Variants in SEMA5A observed in about 807,000 individuals in gnomAD.
The protein encoded by SEMA5A is semaphorin-5A.
Under a neutral mutation model 135.5 loss-of-function variants are expected in SEMA5A, and 55 were observed. The ratio of observed to expected loss-of-function variants is 0.41; its 90% CI spans 0.33 to 0.51. The LOEUF is 0.51. Among genes scored for constraint, SEMA5A ranks in the 20% least tolerant of loss-of-function variants. The pLI is 0.37. For synonymous variants in SEMA5A, 580 were observed against 546.5 expected (o/e 1.06, Z -0.85); for missense variants, 1,290 against 1,419.9 (o/e 0.91, Z 1.47).
intron 8 of SEMA5A, among the ~76,000 whole-genome samples, chr5:9,214,325 T>A (rs1006168484): frequency 3.9e-5 from 6 of 152,104 alleles, no homozygotes; most frequent in Admixed American, 6.5e-5. Flanking sequence ...CTGCTGGCCC[T>A]CTCCAATCCA....
rs1554017976 is a variant in SEMA5A, at chr5:9,035,959, C to CCA, written c.*6937_*6938insTG. On this transcript the variant is annotated 3_prime_UTR_variant, in exon 23 of 23. Coordinates refer to ENST00000382496, the MANE Select transcript of SEMA5A (RefSeq NM_003966.3). ...TGAAATTGGCTTTGGAGGAGTTTCA[C>CCA]AAAAAAAAAAAAAAAAAAAAATCTC... 2.6e-5 allele frequency: 3 copies of CCA among 113,386 alleles called. No individual in the cohort carries two copies. Among genetic ancestry groups the CCA allele is most frequent in the South Asian group, 3.0e-4 (1 of 3,354 alleles). The allele number at this position is 113,386 out of a possible 1,614,324, so 7.0% of individuals were successfully genotyped here.
At chr5:9,326,898 T>A (rs1752905306) in intron 4 of SEMA5A, among the ~76,000 whole-genome samples, 1 of 152,234 alleles carries the variant, frequency 6.6e-6, no homozygotes, top group African/African-American at 2.4e-5. Flanking sequence ...AATTTAAATA[T>A]AATGATTTAA....
chr5:9,124,552 G>A lies in SEMA5A; in HGVS notation c.1600-1715C>T, dbSNP rs532300237. ...GCTCACTGCAACCTCCACCTCCCAG[G>A]TTCAAACGATTCTCATGCCTCAGCC... On this transcript the variant is annotated intron_variant, in intron 13 of 22. Coordinates refer to ENST00000382496, the MANE Select transcript of SEMA5A (RefSeq NM_003966.3). Among the ~76,000 whole-genome samples, 8 of 152,190 alleles carry A rather than the reference G, an allele frequency of 5.3e-5. No homozygotes were observed. The South Asian group carries it at 1.0e-3, about 20-fold the overall frequency.
intron 6 of SEMA5A, 149 bp downstream of exon 6, chr5:9,237,679 T>C (rs1462987811): frequency 1.6e-5 from 8 of 505,484 alleles, no homozygotes; most frequent in Non-Finnish European, 2.7e-5. Flanking sequence ...ATTAAAAACT[T>C]GAGAATATAC....
At chr5:9,077,526 CACTATTCTATGCAGTA>C (rs1738133882) in intron 16 of SEMA5A, among the ~76,000 whole-genome samples, 1 of 152,200 alleles carries the variant, frequency 6.6e-6, no homozygotes, top group Non-Finnish European at 1.5e-5. Flanking sequence ...TCCACAATCC[CACTATTCTATGCAGTA>C]ACTGAATTTC....
chr5:9,264,247 A>C (rs1167616233), intron 5 of SEMA5A, among the ~76,000 whole-genome samples: 6 of 152,176 alleles, frequency 3.9e-5, no homozygotes, highest in Non-Finnish European at 1.5e-5. Context: ...AGCCAAGAAG[A>C]ACCAAATTTT....
intron 3 of SEMA5A, among the ~76,000 whole-genome samples, chr5:9,344,589 A>C (rs540828709): frequency 1.3e-5 from 2 of 152,304 alleles, no homozygotes; most frequent in South Asian, 4.1e-4. Context: ...AAACAGAAAG[A>C]AACCAGGGCA....
chr5:9,295,563 G>T (rs1579297106), intron 5 of SEMA5A, among the ~76,000 whole-genome samples: 1 of 152,132 alleles, frequency 6.6e-6, no homozygotes, highest in African/African-American at 2.4e-5. Flanking sequence ...GGAGGAGGAG[G>T]ATTTTCTACT....
intron 4 of SEMA5A, among the ~76,000 whole-genome samples, chr5:9,336,748 G>T (rs973884974): frequency 6.6e-6 from 1 of 152,160 alleles, no homozygotes; most frequent in African/African-American, 2.4e-5. Context: ...ACTGTTCAAT[G>T]TTTATCTAGA....
chr5:9,459,319 T>C (rs1344497444), intron 1 of SEMA5A, among the ~76,000 whole-genome samples: 1 of 152,132 alleles, frequency 6.6e-6, no homozygotes, highest in Non-Finnish European at 1.5e-5. Flanking sequence ...AAAGATAATA[T>C]ATATGCATGA....
chr5:9,140,322 T>C (rs1475700458), intron 12 of SEMA5A, among the ~76,000 whole-genome samples: 1 of 152,242 alleles, frequency 6.6e-6, no homozygotes, highest in Non-Finnish European at 1.5e-5. Flanking sequence ...CACTTTTTTG[T>C]GCAGGGAATA....
At chr5:9,196,346 C>G (rs1745383830) in intron 10 of SEMA5A, among the ~76,000 whole-genome samples, 1 of 152,170 alleles carries the variant, frequency 6.6e-6, no homozygotes, top group African/African-American at 2.4e-5. Context: ...AGAGATACCC[C>G]AAAGGTGTCT....
chr5:9,299,852 C>T (rs1751524236), intron 5 of SEMA5A, among the ~76,000 whole-genome samples: 1 of 152,190 alleles, frequency 6.6e-6, no homozygotes, highest in South Asian at 2.1e-4. Context: ...TGGGGCCAGG[C>T]CTCAGATATC....
At chr5:9,458,195 C>T (rs1157826651) in intron 1 of SEMA5A, among the ~76,000 whole-genome samples, 1 of 151,464 alleles carries the variant, frequency 6.6e-6, no homozygotes, top group African/African-American at 2.4e-5. Context: ...GCGTGAGCCA[C>T]CGCGCCTGGC....
At chr5:9,152,108 G>A (rs1252173070) in intron 12 of SEMA5A, among the ~76,000 whole-genome samples, 6 of 152,282 alleles carry the variant, frequency 3.9e-5, no homozygotes, top group Non-Finnish European at 7.4e-5. Context: ...CAGACTCAAG[G>A]AAGGAGAGCA....
intron 11 of SEMA5A, among the ~76,000 whole-genome samples, chr5:9,162,284 G>A (rs1043330218): frequency 6.6e-6 from 1 of 151,792 alleles, no homozygotes; most frequent in Non-Finnish European, 1.5e-5. Context: ...ACATATTAAA[G>A]CAAGTGCAAA....
chr5:9,253,826 G>A (rs1042241384), intron 5 of SEMA5A, among the ~76,000 whole-genome samples: 1 of 152,076 alleles, frequency 6.6e-6, no homozygotes, highest in Non-Finnish European at 1.5e-5. Flanking sequence ...TTTAAATAAT[G>A]ATGAGCCTCA....
At chr5:9,414,426 G>A (rs1316133686) in intron 2 of SEMA5A, among the ~76,000 whole-genome samples, 2 of 151,990 alleles carry the variant, frequency 1.3e-5, no homozygotes, top group Non-Finnish European at 2.9e-5. Flanking sequence ...TTGATCTTTG[G>A]ACAAAGATCA....
intron 5 of SEMA5A, among the ~76,000 whole-genome samples, chr5:9,244,682 T>C (rs990536917): frequency 1.3e-5 from 2 of 152,206 alleles, no homozygotes; most frequent in African/African-American, 4.8e-5. Flanking sequence ...ATCTAGCTGT[T>C]AAACAAATTA....
Sources: gnomAD v4.1 joint callset for allele counts (sites outside exome capture counted in the v4.1 genomes callset) on GRCh38, gnomAD v4.1.1 for gene constraint, MANE v1.5 for transcripts, NCBI Gene and HGNC (gene_info 2026-07-23, HGNC 2026-07-21) for gene names.